Variants in NBEA observed in about 807,000 individuals in gnomAD.
NBEA encodes neurobeachin.
A neutral mutation model predicts 343.4 loss-of-function variants in NBEA; 44 were observed. That is an observed-to-expected ratio of 0.13 (90% CI 0.10 to 0.16). NBEA has a LOEUF of 0.16. NBEA is among the 10% of genes least tolerant of loss of function. NBEA has a pLI of 1.00. For missense variants in NBEA, 2,555 were observed against 3,631.3 expected (o/e 0.70, Z 7.62); for synonymous variants, 1,175 against 1,238.7 (o/e 0.95, Z 1.08).
intron 44 of NBEA, among the ~76,000 whole-genome samples, chr13:35,560,410 G>A (rs1357021761): frequency 1.3e-5 from 2 of 152,020 alleles, no homozygotes; most frequent in Non-Finnish European, 2.9e-5. Flanking sequence ...CATGACTTTT[G>A]TAGATACTGA....
At chr13:35,335,873 G>T (rs748102698) in intron 36 of NBEA, among the ~76,000 whole-genome samples, 1 of 151,960 alleles carries the variant, frequency 6.6e-6, no homozygotes, top group Non-Finnish European at 1.5e-5. Context: ...CGCATGCCGG[G>T]GGCTACATGC....
At chr13:34,973,069 G>T (rs559321902) in intron 1 of NBEA, among the ~76,000 whole-genome samples, 1 of 152,090 alleles carries the variant, frequency 6.6e-6, no homozygotes, top group Non-Finnish European at 1.5e-5. Context: ...TTTGCTGGGG[G>T]TCCACTGCAG....
At chr13:35,096,139 C>A (rs2065317508) in intron 10 of NBEA, among the ~76,000 whole-genome samples, 2 of 150,714 alleles carry the variant, frequency 1.3e-5, no homozygotes, top group Non-Finnish European at 3.0e-5. Context: ...TGTACCTCTT[C>A]GAAGATGGCC....
intron 1 of NBEA, among the ~76,000 whole-genome samples, chr13:35,021,736 A>G (rs915738635): frequency 3.9e-5 from 6 of 152,134 alleles, no homozygotes; most frequent in Non-Finnish European, 7.4e-5. Context: ...TAAGAACCTT[A>G]TAAAAGTACA....
intron 41 of NBEA, among the ~76,000 whole-genome samples, chr13:35,473,501 A>G (rs2075740891): frequency 6.6e-6 from 1 of 152,192 alleles, no homozygotes; most frequent in Admixed American, 6.5e-5. Context: ...AAAATTTACC[A>G]TCACCTGAAT....
In NBEA at chr13:34,942,828, G is replaced by A; in HGVS notation, c.8G>A (p.Ser3Asn). The A allele has an allele frequency of 7.3e-7, 1 of 1,366,368 alleles. No individual in the cohort carries two copies. Among genetic ancestry groups the A allele is most frequent in the Non-Finnish European group, 9.4e-7 (1 of 1,059,114 alleles). 84.6% of individuals were successfully genotyped at this position (1,366,368 alleles called of 1,614,324 possible). A position where few individuals can be genotyped will look rare whatever the true frequency, so the allele number is the denominator to read the frequency against. The change falls in exon 1 of 59, where the codon AGC becomes AAC. Residue 3 changes from serine to asparagine, a missense_variant. By Grantham distance (46) the Ser-to-Asn change is conservative. Transcript: ENST00000379939. ...TCCTCAGGAGGGGGGCCAATGGCTA[G>A]CGAGAAGCCGGGCCCGGGCCCGGGG... MA[S>N]EKPGPGPGLE...
rs74051231 is a variant in NBEA at position 35,064,521 on chromosome 13, G to A, written c.1240-5387G>A. On this transcript the variant is annotated intron_variant, in intron 8 of 58. Transcript: ENST00000379939. ...TAATTACTGAAAATACAGTTAATTTGTTTTTGCATATGTTATCTTCATTCT... is the reference window on the plus strand; with the variant it reads ...TAATTACTGAAAATACAGTTAATTTATTTTTGCATATGTTATCTTCATTCT... Among the ~76,000 whole-genome samples the A allele has an allele frequency of 3.0e-3, 459 of 152,098 alleles. 5 individuals carry two copies. Among genetic ancestry groups the A allele is most frequent in the African/African-American group, 0.011 (436 of 41,518 alleles).
intron 39 of NBEA, among the ~76,000 whole-genome samples, chr13:35,441,588 G>A (rs1281636726): frequency 6.6e-6 from 1 of 151,880 alleles, no homozygotes; most frequent in South Asian, 2.1e-4. Flanking sequence ...TCATGACCCA[G>A]GCCACCTTCA....
intron 48 of NBEA, among the ~76,000 whole-genome samples, chr13:35,619,030 AAAGAAAATGTTTCCTTTTT>A (rs1245156500): frequency 6.6e-6 from 1 of 151,840 alleles, no homozygotes; most frequent in African/African-American, 2.4e-5. Context: ...TCCGTATTTC[AAAGAAAATGTTTCCTTTTT>A]AAGCTGGGTT....
chr13:35,621,590 G>GT (rs2082993837), intron 48 of NBEA, among the ~76,000 whole-genome samples: 2 of 152,156 alleles, frequency 1.3e-5, no homozygotes, highest in South Asian at 2.1e-4. Context: ...GGGACTTTGG[G>GT]TTTTTTTGTT....
At chr13:35,097,662 C>G (rs1278760745) in intron 10 of NBEA, among the ~76,000 whole-genome samples, 2 of 151,908 alleles carry the variant, frequency 1.3e-5, no homozygotes, top group Non-Finnish European at 2.9e-5. Context: ...TTTGACACCT[C>G]TTTGTCTGCT....
chr13:35,399,920 A>C (rs997068380), intron 38 of NBEA, among the ~76,000 whole-genome samples: 2 of 152,040 alleles, frequency 1.3e-5, no homozygotes, highest in African/African-American at 4.8e-5. Context: ...AGGGAGAGGG[A>C]CAGGGGAACA....
At position 35,050,403 on chromosome 13, in the gene NBEA, A is replaced by G; in HGVS notation, c.972+8A>G. 6.2e-7 allele frequency: 1 copy of G among 1,605,328 alleles called. No homozygotes were observed. The highest frequency in any genetic ancestry group is 8.5e-7 in the Non-Finnish European group (1 of 1,175,868). ...GATTTTCAACCACGCAAGGTAGGTA[A>G]AAGTAAATATTTTTATAACTCACCT... On this transcript the variant is annotated splice_region_variant and intron_variant, in intron 6 of 58. Coordinates refer to ENST00000379939, the MANE Select transcript of NBEA (RefSeq NM_001385012.1).
chr13:35,288,520 T>C (rs1386113835), intron 34 of NBEA, among the ~76,000 whole-genome samples: 1 of 151,926 alleles, frequency 6.6e-6, no homozygotes, highest in East Asian at 1.9e-4. Flanking sequence ...TGTGTCAATT[T>C]TTTGCCATTC....
chr13:35,056,847 T>C (rs1252586839), intron 7 of NBEA, among the ~76,000 whole-genome samples: 3 of 152,198 alleles, frequency 2.0e-5, no homozygotes, highest in African/African-American at 7.2e-5. Flanking sequence ...TGTGTGCTTC[T>C]ATTTTAAAAC....
chr13:35,373,964 T>C, intron 38 of NBEA, among the ~76,000 whole-genome samples: 1 of 152,060 alleles, frequency 6.6e-6, no homozygotes, highest in South Asian at 2.1e-4. Flanking sequence ...TACTTGAATA[T>C]CTTAGTTATT....
At chr13:35,357,208 A>G (rs73494505) in intron 38 of NBEA, among the ~76,000 whole-genome samples, 7,204 of 152,182 alleles carry the variant, frequency 0.047, 209 homozygotes, top group Non-Finnish European at 0.054. Flanking sequence ...TGAGCTTTAT[A>G]ATCAACATTA....
intron 17 of NBEA, among the ~76,000 whole-genome samples, chr13:35,133,390 A>T (rs932959766): frequency 2.0e-5 from 3 of 152,130 alleles, no homozygotes; most frequent in Non-Finnish European, 2.9e-5. Flanking sequence ...CTCTCCAGTC[A>T]CTGGTGGAAT....
intron 33 of NBEA, among the ~76,000 whole-genome samples, chr13:35,220,813 G>T (rs2074319800): frequency 6.6e-6 from 1 of 152,008 alleles, no homozygotes; most frequent in South Asian, 2.1e-4. Flanking sequence ...TATTGCTTCT[G>T]ACCCATTTTA....
Sources: allele counts gnomAD v4.1 joint callset (sites outside exome capture counted in the v4.1 genomes callset), GRCh38; gene constraint gnomAD v4.1.1; transcripts MANE v1.5; gene names NCBI Gene and HGNC (gene_info 2026-07-23, HGNC 2026-07-21).